Variants in CNTNAP4 observed in about 807,000 individuals in gnomAD.
The protein encoded by CNTNAP4 is contactin associated protein family member 4.
In CNTNAP4, 98 loss-of-function variants were observed where a neutral mutation model predicts 148.4. The observed-to-expected ratio is 0.66, with a 90% CI of 0.56 to 0.78. The LOEUF (loss-of-function observed/expected upper bound fraction) is 0.78, where lower values mean the gene tolerates loss of function less well. Ranked by LOEUF, CNTNAP4 falls within the 30% of genes least tolerant of loss-of-function variation. The pLI is 0.00. For missense variants in CNTNAP4, 1,935 were observed against 1,565.6 expected (o/e 1.24, Z -3.98); for synonymous variants, 730 against 565.1 (o/e 1.29, Z -4.14).
At chr16:76,351,862 T>C (rs17766704) in intron 2 of CNTNAP4, among the ~76,000 whole-genome samples, 19,811 of 152,230 alleles carry the variant, frequency 0.13, 2,004 homozygotes, top group East Asian at 0.47. Flanking sequence ...ATTCTTTTCT[T>C]CTTGCTGCAT....
chr16:76,554,988 G>A (rs926010480), intron 23 of CNTNAP4, among the ~76,000 whole-genome samples: 10 of 150,786 alleles, frequency 6.6e-5, no homozygotes, highest in African/African-American at 2.2e-4. Flanking sequence ...ATGAATAATC[G>A]TATTACTGGC....
intron 3 of CNTNAP4, among the ~76,000 whole-genome samples, chr16:76,380,515 G>C (rs1031702263): frequency 2.6e-5 from 4 of 151,790 alleles, no homozygotes; most frequent in African/African-American, 4.8e-5. Context: ...TTTTTTTTCT[G>C]CATTTTTCCC....
At chr16:76,404,362 A>G (rs1459267018) in intron 3 of CNTNAP4, among the ~76,000 whole-genome samples, 3 of 152,038 alleles carry the variant, frequency 2.0e-5, no homozygotes. Flanking sequence ...CCCTGAAGAT[A>G]AATATAAATA....
chr16:76,462,158 C>T, intron 9 of CNTNAP4, 53 bp downstream of exon 9: 1 of 1,481,186 alleles, frequency 6.8e-7, no homozygotes. Flanking sequence ...TGCATTAGTG[C>T]CCCCGTGTCT....
At chr16:76,486,514 A>G (rs2082032885) in intron 12 of CNTNAP4, among the ~76,000 whole-genome samples, 1 of 152,140 alleles carries the variant, frequency 6.6e-6, no homozygotes, top group South Asian at 2.1e-4. Flanking sequence ...CAAGACAAGA[A>G]TTATTTGTTG....
At chr16:76,346,608 A>G (rs1964922998) in intron 2 of CNTNAP4, among the ~76,000 whole-genome samples, 1 of 152,188 alleles carries the variant, frequency 6.6e-6, no homozygotes, top group African/African-American at 2.4e-5. Context: ...AGAAAGCAAA[A>G]CATGGGCAGA....
At chr16:76,360,490 T>C (rs1309515193) in intron 3 of CNTNAP4, among the ~76,000 whole-genome samples, 1 of 152,216 alleles carries the variant, frequency 6.6e-6, no homozygotes, top group South Asian at 2.1e-4. Flanking sequence ...TCCTTCCTTA[T>C]GTTGAGCCCT....
chr16:76,382,985 A>C (rs564689740), intron 3 of CNTNAP4, among the ~76,000 whole-genome samples: 27 of 152,232 alleles, frequency 1.8e-4, no homozygotes, highest in Admixed American at 3.3e-4. Context: ...TGAAACATCA[A>C]GTTAAACATT....
chr16:76,277,912 C>G (rs563111970), intron 1 of CNTNAP4, among the ~76,000 whole-genome samples, 165 bp downstream of exon 1: 1 of 152,352 alleles, frequency 6.6e-6, no homozygotes, highest in East Asian at 1.9e-4. Flanking sequence ...TAACACTTGT[C>G]TCTCCTCTTG....
chr16:76,302,760 G>C (rs1338141163), intron 1 of CNTNAP4, among the ~76,000 whole-genome samples: 1 of 152,104 alleles, frequency 6.6e-6, no homozygotes, highest in Non-Finnish European at 1.5e-5. Flanking sequence ...GATTATCCTA[G>C]GCCTATACAA....
At chr16:76,544,563 T>C (rs1259531006) in intron 21 of CNTNAP4, among the ~76,000 whole-genome samples, 4 of 152,196 alleles carry the variant, frequency 2.6e-5, no homozygotes, top group South Asian at 2.1e-4. Context: ...TTTAGAGCTA[T>C]AGTGGGAAGA....
At chr16:76,448,449 ACAT>A (rs1339805181) in intron 5 of CNTNAP4, among the ~76,000 whole-genome samples, 1 of 152,148 alleles carries the variant, frequency 6.6e-6, no homozygotes, top group Non-Finnish European at 1.5e-5. Flanking sequence ...CTATTTTCTA[ACAT>A]CATAAAGGAA....
At position 76,558,764 on chromosome 16, in the gene CNTNAP4, A is replaced by C; in HGVS notation, c.*81A>C. 1 of 1,074,178 alleles carries C rather than the reference A, an allele frequency of 9.3e-7. No homozygotes were observed. The allele number at this position is 1,074,178 out of a possible 1,614,324, so 66.5% of individuals were successfully genotyped here. On this transcript the variant is annotated 3_prime_UTR_variant, in exon 24 of 24. Coordinates refer to ENST00000611870, the MANE Select transcript of CNTNAP4 (RefSeq NM_033401.5). ...TCTCAATGGAAAAACGAATGCTCTT[A>C]CACTGAATGTACAGGCAGTGGGCTT...
At chr16:76,295,514 T>A (rs1304357413) in intron 1 of CNTNAP4, among the ~76,000 whole-genome samples, 2 of 152,056 alleles carry the variant, frequency 1.3e-5, no homozygotes, top group Non-Finnish European at 2.9e-5. Context: ...GGAGTCTAAC[T>A]TGAGTCCACA....
intron 11 of CNTNAP4, among the ~76,000 whole-genome samples, chr16:76,477,366 C>CT (rs1430565958): frequency 6.6e-6 from 1 of 152,112 alleles, no homozygotes; most frequent in Non-Finnish European, 1.5e-5. Context: ...CAACTGAACT[C>CT]TTAGTATTAC....
chr16:76,457,641 C>T (rs2080785638), intron 8 of CNTNAP4, among the ~76,000 whole-genome samples: 1 of 152,116 alleles, frequency 6.6e-6, no homozygotes, highest in South Asian at 2.1e-4. Context: ...CCTGGACCAG[C>T]ACTGGCTCAG....
chr16:76,376,052 C>T (rs1035233840), intron 3 of CNTNAP4, among the ~76,000 whole-genome samples: 1 of 148,824 alleles, frequency 6.7e-6, no homozygotes, highest in Admixed American at 6.7e-5. Flanking sequence ...CAAGAAGGAG[C>T]AGGAGAAAGA....
rs545552585 is a variant in CNTNAP4 at position 76,299,397 on chromosome 16, C to T, written c.86-17016C>T. Among the ~76,000 whole-genome samples, 18 of 152,228 alleles carry T rather than the reference C, an allele frequency of 1.2e-4. No individual in the cohort carries two copies. The East Asian group carries it at 2.5e-3, about 21-fold the overall frequency. Reference sequence around the variant, plus strand: ...CAGCCGACAGACACATGAAAAAATGCTCATCATCACTGGCCATCAGAGAAA... The same window carrying T: ...CAGCCGACAGACACATGAAAAAATGTTCATCATCACTGGCCATCAGAGAAA... On this transcript the variant is annotated intron_variant, in intron 1 of 23. Coordinates refer to ENST00000611870, the MANE Select transcript of CNTNAP4 (RefSeq NM_033401.5).
chr16:76,359,439 C>T (rs1224641691), intron 3 of CNTNAP4, among the ~76,000 whole-genome samples: 1 of 150,700 alleles, frequency 6.6e-6, no homozygotes, highest in South Asian at 2.1e-4. Flanking sequence ...TCATTCTCTC[C>T]TCATTTGGTC....
Sources: allele counts gnomAD v4.1 joint callset (sites outside exome capture counted in the v4.1 genomes callset), GRCh38; gene constraint gnomAD v4.1.1; transcripts MANE v1.5; gene names NCBI Gene and HGNC (gene_info 2026-07-23, HGNC 2026-07-21).